STXBP5: variants seen among roughly 807,000 people sequenced by gnomAD.
STXBP5 encodes syntaxin-binding protein 5.
In STXBP5, 50 loss-of-function variants were observed where a neutral mutation model predicts 152.4. That is an observed-to-expected ratio of 0.33 (90% confidence interval 0.26 to 0.42). The LOEUF (loss-of-function observed/expected upper bound fraction) is 0.42, where lower values mean the gene tolerates loss of function less well. STXBP5 is among the 10% of genes least tolerant of loss of function. STXBP5 has a pLI of 1.00. For synonymous variants in STXBP5, 492 were observed against 494.7 expected (o/e 0.99, Z 0.07); for missense variants, 1,167 against 1,388.6 (o/e 0.84, Z 2.54).
intron 25 of STXBP5, among the ~76,000 whole-genome samples, chr6:147,370,208 G>A (rs1785477074): frequency 2.0e-5 from 3 of 152,150 alleles, no homozygotes; most frequent in South Asian, 4.1e-4. Context: ...TAGTGAAAGA[G>A]CAGATCAGCA....
At chr6:147,302,649 T>A (rs1278771259) in intron 9 of STXBP5, among the ~76,000 whole-genome samples, 1 of 152,020 alleles carries the variant, frequency 6.6e-6, no homozygotes, top group African/African-American at 2.4e-5. Flanking sequence ...ACCCCGACTC[T>A]CCTAAAAATG....
At chr6:147,357,139 C>G (rs1370274297) in intron 22 of STXBP5, among the ~76,000 whole-genome samples, 2 of 152,060 alleles carry the variant, frequency 1.3e-5, no homozygotes, top group African/African-American at 2.4e-5. Flanking sequence ...CAAATGTACT[C>G]TAAGTGTCAT....
intron 8 of STXBP5, among the ~76,000 whole-genome samples, chr6:147,280,102 C>T (rs566298909): frequency 4.0e-5 from 6 of 150,230 alleles, no homozygotes; most frequent in African/African-American, 1.5e-4. Flanking sequence ...TTCTATATAA[C>T]CAAGTTTTGC....
chr6:147,296,156 G>C (rs1781512808), intron 9 of STXBP5, among the ~76,000 whole-genome samples: 1 of 152,076 alleles, frequency 6.6e-6, no homozygotes, highest in African/African-American at 2.4e-5. Flanking sequence ...AAACAGCCCA[G>C]CAGACCCTCA....
chr6:147,375,164 C>G (rs1785749438), intron 26 of STXBP5, among the ~76,000 whole-genome samples: 1 of 152,036 alleles, frequency 6.6e-6, no homozygotes, highest in African/African-American at 2.4e-5. Context: ...TAACCAGGAA[C>G]ATTAGGAATC....
chr6:147,317,867 G>C (rs1782720892), intron 16 of STXBP5, among the ~76,000 whole-genome samples: 1 of 152,010 alleles, frequency 6.6e-6, no homozygotes, highest in Non-Finnish European at 1.5e-5. Flanking sequence ...CCTTGTTTCT[G>C]ATTTCAATGT....
At chr6:147,230,165 C>G (rs1683832744) in intron 2 of STXBP5, among the ~76,000 whole-genome samples, 1 of 151,814 alleles carries the variant, frequency 6.6e-6, no homozygotes, top group Non-Finnish European at 1.5e-5. Context: ...ATCCCGTATA[C>G]TTTTTAAAGA....
chr6:147,345,801 T>G (rs539800697), intron 21 of STXBP5, among the ~76,000 whole-genome samples: 1 of 152,342 alleles, frequency 6.6e-6, no homozygotes, highest in East Asian at 1.9e-4. Flanking sequence ...TTTGCTTCTC[T>G]TGGACATCAT....
At chr6:147,236,361 T>C (rs1778268740) in intron 3 of STXBP5, among the ~76,000 whole-genome samples, 2 of 152,196 alleles carry the variant, frequency 1.3e-5, no homozygotes, top group Admixed American at 1.3e-4. Flanking sequence ...ATATGAAGAC[T>C]CAGATTATTT....
chr6:147,361,936 C>A (rs529202872), intron 23 of STXBP5, among the ~76,000 whole-genome samples: 32 of 152,188 alleles, frequency 2.1e-4, no homozygotes, highest in African/African-American at 7.5e-4. Flanking sequence ...TTCTACAAAG[C>A]TGCTTAAAAT....
intron 22 of STXBP5, 67 bp downstream of exon 22, chr6:147,353,440 TTA>T (rs1221379814): frequency 2.0e-5 from 22 of 1,078,536 alleles, no homozygotes; most frequent in Non-Finnish European, 2.9e-5. Context: ...ATCAGAAAAT[TTA>T]TAGTTACTGT....
Position 147,314,348 on chromosome 6 carries a change from C to A in STXBP5, c.1361+17C>A. ...TATTACAGGGTAAGTAAAAGTCTGT[C>A]TTCACCAAGTAAATCTATAATAGCT... On this transcript the variant is annotated intron_variant, in intron 13 of 27. Coordinates refer to ENST00000321680, the MANE Select transcript of STXBP5 (RefSeq NM_001127715.4). 6.2e-7 allele frequency: 1 copy of A among 1,604,290 alleles called. No individual in the cohort carries two copies. The highest frequency in any genetic ancestry group is 1.3e-5 in the African/African-American group (1 of 74,794).
intron 11 of STXBP5, among the ~76,000 whole-genome samples, chr6:147,313,066 A>G (rs1025857762): frequency 6.6e-6 from 1 of 152,132 alleles, no homozygotes; most frequent in African/African-American, 2.4e-5. Flanking sequence ...TTATGAATGC[A>G]TGTTGTTTGT....
At chr6:147,372,203 A>G (rs1785571879) in intron 25 of STXBP5, among the ~76,000 whole-genome samples, 1 of 152,028 alleles carries the variant, frequency 6.6e-6, no homozygotes, top group Non-Finnish European at 1.5e-5. Flanking sequence ...GTTAATAATT[A>G]TTTCCTCCCA....
chr6:147,359,575 G>C (rs2128411662), intron 23 of STXBP5, among the ~76,000 whole-genome samples: 1 of 150,914 alleles, frequency 6.6e-6, no homozygotes. Flanking sequence ...TCGTCATCTA[G>C]CATTAGGTAT....
intron 26 of STXBP5, among the ~76,000 whole-genome samples, chr6:147,374,367 C>T (rs578157269): frequency 6.6e-6 from 1 of 152,020 alleles, no homozygotes; most frequent in East Asian, 1.9e-4. Flanking sequence ...AGTATCTATC[C>T]TTTGATTTTT....
chr6:147,222,672 CTTG>C (rs1300391638), intron 2 of STXBP5, among the ~76,000 whole-genome samples: 1 of 152,172 alleles, frequency 6.6e-6, no homozygotes, highest in Admixed American at 6.5e-5. Context: ...GAAGGCAGTC[CTTG>C]TTGTTAAGAA....
At chr6:147,267,207 C>T (rs1021528067) in intron 7 of STXBP5, 40 bp downstream of exon 7, 11 of 1,517,108 alleles carry the variant, frequency 7.3e-6, no homozygotes, top group Non-Finnish European at 8.9e-6. Flanking sequence ...GGTCATTTCT[C>T]TCATATAAAG....
At chr6:147,316,532 T>C in intron 16 of STXBP5, 125 bp downstream of exon 16, 1 of 887,710 alleles carries the variant, frequency 1.1e-6, no homozygotes, top group Non-Finnish European at 1.6e-6. Flanking sequence ...TGGTTCTTCC[T>C]GTGTTTTGCT....
Sources: allele counts gnomAD v4.1 joint callset (sites outside exome capture counted in the v4.1 genomes callset), GRCh38; gene constraint gnomAD v4.1.1; transcripts MANE v1.5; gene names NCBI Gene and HGNC (gene_info 2026-07-23, HGNC 2026-07-21).